Variants in PHKB observed in about 807,000 individuals in gnomAD.
PHKB encodes the protein phosphorylase b kinase regulatory subunit beta.
A neutral mutation model predicts 152.1 loss-of-function variants in PHKB; 122 were observed. That is an observed-to-expected ratio of 0.80 (90% CI 0.69 to 0.93). PHKB has a LOEUF of 0.93. Ranked by LOEUF, PHKB falls within the 40% of genes least tolerant of loss-of-function variation. PHKB has a pLI of 0.00. For synonymous variants in PHKB, 436 were observed against 464.9 expected (o/e 0.94, Z 0.80); for missense variants, 1,304 against 1,328.4 (o/e 0.98, Z 0.29).
chr16:47,516,474 T>C (rs974759556), intron 6 of PHKB, among the ~76,000 whole-genome samples: 3 of 152,208 alleles, frequency 2.0e-5, no homozygotes, highest in Admixed American at 6.5e-5. Flanking sequence ...GCTGATGTAC[T>C]TTGAAATGTG....
chr16:47,521,758 T>C (rs1215015749), intron 6 of PHKB, among the ~76,000 whole-genome samples: 2 of 152,112 alleles, frequency 1.3e-5, no homozygotes, highest in East Asian at 3.9e-4. Context: ...GTTTCTTGAG[T>C]GCTTTCATCA....
At chr16:47,692,514 G>A (rs902470289) in intron 27 of PHKB, among the ~76,000 whole-genome samples, 7 of 152,062 alleles carry the variant, frequency 4.6e-5, no homozygotes, top group Non-Finnish European at 7.4e-5. Flanking sequence ...CACTGGAAAG[G>A]CTGAGGTGGG....
At chr16:47,596,611 A>G in intron 13 of PHKB, 80 bp downstream of exon 13, 1 of 1,390,260 alleles carries the variant, frequency 7.2e-7, no homozygotes, top group Admixed American at 1.7e-5. Context: ...GCTGGTGTTT[A>G]TGTTGGATTT....
Position 47,641,070 on chromosome 16 carries a change from A to G in PHKB, c.1494A>G (p.Ala498=), listed in dbSNP as rs746308084. 1 of 1,613,988 alleles carries G rather than the reference A, an allele frequency of 6.2e-7. No homozygotes were observed. Among genetic ancestry groups the G allele is most frequent in the South Asian group, 1.1e-5 (1 of 91,064 alleles). The change falls in exon 15 of 31, where the codon GCA becomes GCG. Residue 498 remains alanine, a synonymous_variant. Coordinates refer to ENST00000323584, the MANE Select transcript of PHKB (RefSeq NM_000293.3). ...AAAATGACTTGGTAGTTCATGTGGC[A>G]CTTATAGCAGAAAGCCAAAGGTATG... The part of the protein sequence containing the change: ...PLENDLVVHV[A]LIAESQRLQV...
intron 13 of PHKB, among the ~76,000 whole-genome samples, chr16:47,605,891 A>G (rs1972314499): frequency 6.6e-6 from 1 of 152,194 alleles, no homozygotes; most frequent in Non-Finnish European, 1.5e-5. Context: ...TGTGATTAAG[A>G]GCCCAGACTC....
intron 7 of PHKB, among the ~76,000 whole-genome samples, chr16:47,563,618 C>A (rs2151683063): frequency 6.6e-6 from 1 of 152,218 alleles, no homozygotes; most frequent in Admixed American, 6.5e-5. Context: ...GTTTAACATT[C>A]TTTCTTAATA....
At chr16:47,620,865 C>G (rs1368671302) in intron 14 of PHKB, among the ~76,000 whole-genome samples, 1 of 151,462 alleles carries the variant, frequency 6.6e-6, no homozygotes, top group Non-Finnish European at 1.5e-5. Flanking sequence ...CAGAGTGAGA[C>G]TCTGTCTCAA....
chr16:47,631,181 C>T (rs1027752290), intron 14 of PHKB, among the ~76,000 whole-genome samples: 1 of 152,146 alleles, frequency 6.6e-6, no homozygotes, highest in African/African-American at 2.4e-5. Flanking sequence ...TCTCTGCCTG[C>T]TATAGCAAGC....
intron 6 of PHKB, among the ~76,000 whole-genome samples, chr16:47,544,211 T>G (rs940430248): frequency 6.6e-6 from 1 of 152,226 alleles, no homozygotes; most frequent in Admixed American, 6.5e-5. Flanking sequence ...TCCCAGTTTC[T>G]CCGATAGGCA....
intron 14 of PHKB, among the ~76,000 whole-genome samples, chr16:47,613,099 T>C (rs192855807): frequency 6.6e-6 from 1 of 152,282 alleles, no homozygotes; most frequent in Non-Finnish European, 1.5e-5. Flanking sequence ...GTAGAAGTGC[T>C]TGTTCCCGAA....
At chr16:47,670,796 T>C (rs1973624777) in intron 26 of PHKB, among the ~76,000 whole-genome samples, 1 of 152,198 alleles carries the variant, frequency 6.6e-6, no homozygotes, top group Non-Finnish European at 1.5e-5. Context: ...GGCTGCTTTA[T>C]GTAGTTTAAA....
intron 26 of PHKB, among the ~76,000 whole-genome samples, chr16:47,685,811 G>A (rs1012172401): frequency 9.5e-5 from 14 of 147,974 alleles, no homozygotes; most frequent in Admixed American, 2.7e-4. Context: ...GTGTGATCTC[G>A]GCTCACTGCA....
intron 3 of PHKB, among the ~76,000 whole-genome samples, 194 bp downstream of exon 3, chr16:47,500,088 A>G (rs556360728): frequency 4.6e-5 from 7 of 151,888 alleles, no homozygotes; most frequent in Admixed American, 4.6e-4. Context: ...CCCAGGCTGC[A>G]ATGCAGTGGC....
At chr16:47,559,957 G>T (rs1401739074) in intron 7 of PHKB, among the ~76,000 whole-genome samples, 3 of 152,188 alleles carry the variant, frequency 2.0e-5, no homozygotes, top group African/African-American at 7.2e-5. Flanking sequence ...AGAGCCTGCT[G>T]CCATTAGTGT....
chr16:47,658,094 C>G (rs1567344425), intron 20 of PHKB, among the ~76,000 whole-genome samples: 1 of 152,186 alleles, frequency 6.6e-6, no homozygotes, highest in Non-Finnish European at 1.5e-5. Flanking sequence ...TTCAAATGGT[C>G]TATGTGCTCT....
At chr16:47,650,770 T>C (rs559094995) in intron 19 of PHKB, 61 bp from the exon 20 acceptor site, 2 of 1,325,064 alleles carry the variant, frequency 1.5e-6, no homozygotes, top group East Asian at 4.9e-5. Flanking sequence ...CACTTAGTAT[T>C]AGATTATTAA....
intron 10 of PHKB, among the ~76,000 whole-genome samples, chr16:47,590,132 G>GAAGGTAGGTA (rs1972003393): frequency 6.6e-6 from 1 of 152,142 alleles, no homozygotes; most frequent in Admixed American, 6.6e-5. Context: ...CTCACTCACT[G>GAAGGTAGGTA]AAGGTAGGTA....
At chr16:47,694,858 A>T (rs989204817) in intron 28 of PHKB, among the ~76,000 whole-genome samples, 2 of 152,162 alleles carry the variant, frequency 1.3e-5, no homozygotes, top group Admixed American at 1.3e-4. Flanking sequence ...ATTTTCATTT[A>T]ATTGTCTGGC....
intron 7 of PHKB, among the ~76,000 whole-genome samples, chr16:47,570,916 T>A (rs561951907): frequency 3.1e-4 from 47 of 152,258 alleles, no homozygotes; most frequent in Non-Finnish European, 5.4e-4. Flanking sequence ...TAAACTATTT[T>A]TTATTATTAT....
Sources: gnomAD v4.1 joint callset for allele counts (sites outside exome capture counted in the v4.1 genomes callset) on GRCh38, gnomAD v4.1.1 for gene constraint, MANE v1.5 for transcripts, NCBI Gene and HGNC (gene_info 2026-07-23, HGNC 2026-07-21) for gene names.